The following ZNF684 variants were observed in gnomAD, a reference collection of about 807,000 sequenced individuals.
The protein encoded by ZNF684 is hypothetical protein MGC27466.
A neutral mutation model predicts 12.8 loss-of-function variants in ZNF684; 13 were observed. The observed-to-expected ratio is 1.02, with a 90% confidence interval of 0.66 to 1.62. The LOEUF (loss-of-function observed/expected upper bound fraction) is 1.62. Ranked by LOEUF, ZNF684 falls within the 40% of genes most tolerant of loss-of-function variation. The probability of loss-of-function intolerance (pLI) is 0.00; values close to 1 mark genes in which losing one functional copy is unlikely to be tolerated. For synonymous variants in ZNF684, 118 were observed against 151.8 expected, an observed-to-expected ratio of 0.78 and a Z score of 1.64; for missense variants, 384 against 446.9, an observed-to-expected ratio of 0.86 and a Z score of 1.27.
At chr1:40,538,853 C>T (rs923265301) in intron 2 of ZNF684, among the ~76,000 whole-genome samples, 2 of 151,202 alleles carry the variant, frequency 1.3e-5, no homozygotes, top group Admixed American at 1.3e-4. Flanking sequence ...AACAAACACT[C>T]GGAGGAACTG....
rs1646056345 is a variant in ZNF684 at position 40,547,536 on chromosome 1, A to G, written c.*76A>G. 2 of 1,300,906 alleles carry G rather than the reference A, an allele frequency of 1.5e-6. No homozygotes were observed. Among genetic ancestry groups the G allele is most frequent in the East Asian group, 2.5e-5 (1 of 39,266 alleles). 80.6% of individuals were successfully genotyped at this position (1,300,906 alleles called of 1,614,324 possible). ...ATTAAATACTAAAGAATTCATGGTG[A>G]GAAGTCTACAATTTAAATGAATTTG... On this transcript the variant is annotated 3_prime_UTR_variant, in exon 5 of 5. Coordinates refer to ENST00000372699, the MANE Select transcript of ZNF684 (RefSeq NM_152373.4).
chr1:40,542,578 C>T (rs1384999067), intron 4 of ZNF684, among the ~76,000 whole-genome samples: 2 of 152,186 alleles, frequency 1.3e-5, no homozygotes, highest in African/African-American at 4.8e-5. Flanking sequence ...GAAGCCTCAT[C>T]ACTCTGAAAA....
intron 2 of ZNF684, among the ~76,000 whole-genome samples, chr1:40,533,771 T>G (rs1463564202): frequency 2.6e-5 from 4 of 151,848 alleles, no homozygotes; most frequent in Admixed American, 1.3e-4. Flanking sequence ...AATTTTAAGG[T>G]CATCAAAATA....
At chr1:40,545,919 T>C (rs996569294) in intron 4 of ZNF684, among the ~76,000 whole-genome samples, 2 of 131,226 alleles carry the variant, frequency 1.5e-5, no homozygotes, top group Middle Eastern at 3.6e-3. Context: ...CCTTTTCTTT[T>C]TTTTTTTTTT....
At chr1:40,532,010 A>C (rs1645960588) in intron 1 of ZNF684, among the ~76,000 whole-genome samples, 1 of 152,136 alleles carries the variant, frequency 6.6e-6, no homozygotes, top group South Asian at 2.1e-4. Flanking sequence ...CTCAATTTGC[A>C]TTCCTGCTCT....
chr1:40,544,920 G>A (rs59249510), intron 4 of ZNF684: 9,661 of 152,224 alleles, frequency 0.063, 463 homozygotes, highest in African/African-American at 0.12. Context: ...AAATGAAGGT[G>A]GACAACGAAC....
intron 1 of ZNF684, among the ~76,000 whole-genome samples, chr1:40,532,011 T>C (rs1030121144): frequency 6.6e-6 from 1 of 152,132 alleles, no homozygotes; most frequent in Non-Finnish European, 1.5e-5. Context: ...TCAATTTGCA[T>C]TCCTGCTCTT....
chr1:40,538,668 G>A (rs1022691639), intron 2 of ZNF684, among the ~76,000 whole-genome samples: 1 of 151,946 alleles, frequency 6.6e-6, no homozygotes, highest in Non-Finnish European at 1.5e-5. Context: ...GAGCAGCCTG[G>A]CCAATGTGGT....
At chr1:40,541,936 C>T (rs866249791) in intron 4 of ZNF684, among the ~76,000 whole-genome samples, 1 of 152,324 alleles carries the variant, frequency 6.6e-6, no homozygotes. Flanking sequence ...TCTCCTGTCT[C>T]CTCAGGCTTC....
intron 2 of ZNF684, among the ~76,000 whole-genome samples, chr1:40,533,823 CTT>C (rs574077502): frequency 0.15 from 17,922 of 123,544 alleles, 1,006 homozygotes; most frequent in Middle Eastern, 0.21. Context: ...GTTAGGTATT[CTT>C]TTTTTTTTTT....
rs1389718199 is a variant in ZNF684 at position 40,547,462 on chromosome 1, A to G, written c.*2A>G. ...GTACATCAGAAAATTCATACATAAT[A>G]TTCACTTTATGAATATGAGAAGGCC... On this transcript the variant is annotated 3_prime_UTR_variant, in exon 5 of 5. Coordinates refer to ENST00000372699, the MANE Select transcript of ZNF684 (RefSeq NM_152373.4). The G allele has an allele frequency of 6.3e-7, 1 of 1,590,866 alleles. No homozygotes were observed. The highest frequency in any genetic ancestry group is 1.4e-5 in the African/African-American group (1 of 74,070).
intron 2 of ZNF684, among the ~76,000 whole-genome samples, chr1:40,535,267 A>G (rs59758251): frequency 2.6e-5 from 4 of 152,158 alleles, no homozygotes; most frequent in African/African-American, 9.6e-5. Context: ...CAGATCCCCA[A>G]ATCTGAACAT....
intron 2 of ZNF684, among the ~76,000 whole-genome samples, chr1:40,534,194 G>T (rs1008375466): frequency 2.0e-5 from 3 of 149,884 alleles, no homozygotes; most frequent in Non-Finnish European, 3.0e-5. Context: ...ACTTTTCAAT[G>T]AGTCCTATTT....
At chr1:40,536,388 C>T (rs1344836994) in intron 2 of ZNF684, among the ~76,000 whole-genome samples, 17 of 138,494 alleles carry the variant, frequency 1.2e-4, no homozygotes, top group African/African-American at 1.4e-4. Context: ...AGCGAGACTC[C>T]GTCTCACAAA....
rs748166864 is a variant in ZNF684, at chr1:40,546,574, C to T, written c.251C>T (p.Pro84Leu). 6.5e-7 allele frequency: 1 copy of T among 1,549,874 alleles called. No homozygotes were observed. Among genetic ancestry groups the T allele is most frequent in the Non-Finnish European group, 8.7e-7 (1 of 1,153,370 alleles). Residue 84 changes from proline (P) to leucine (L), a missense_variant, in exon 5 of 5, where the codon CCA becomes CTA. Physicochemically the swap from Pro to Leu is moderately conservative, Grantham distance 98 (BLOSUM62 -3). Transcript: ENST00000372699. Reference sequence around the variant, plus strand: ...TACTCCTTTTTAGAATCTGACTACCCACTTGTTGATGAACCAGGGAAGCAT... The same window carrying T: ...TACTCCTTTTTAGAATCTGACTACCTACTTGTTGATGAACCAGGGAAGCAT... ...PHESSPESDY[P>L]LVDEPGKHRE...
At position 40,547,027 on chromosome 1, in the gene ZNF684, G is replaced by A; in HGVS notation, c.704G>A (p.Arg235Lys). ...AAAGCCCAACTCGTGGTCCACCAGA[G>A]ACTTCACACTGGAGAGAAGCCTTAT... ...MHKAQLVVHQ[R>K]LHTGEKPYEC... The change falls in exon 5 of 5, where the codon AGA becomes AAA. Residue 235 changes from arginine (R) to lysine (K), a missense_variant. Arg to Lys is a conservative substitution (Grantham distance 26). Coordinates refer to ENST00000372699, the MANE Select transcript of ZNF684 (RefSeq NM_152373.4). The A allele has an allele frequency of 6.2e-7, 1 of 1,614,160 alleles. No individual in the cohort carries two copies. Among genetic ancestry groups the A allele is most frequent in the Non-Finnish European group, 8.5e-7 (1 of 1,180,034 alleles).
chr1:40,541,573 T>C (rs1570111400), intron 3 of ZNF684, 42 bp from the exon 4 acceptor site: 2 of 1,541,878 alleles, frequency 1.3e-6, no homozygotes, highest in East Asian at 4.5e-5. Context: ...GTTGTTTGCC[T>C]AGCACTTTGG....
chr1:40,543,738 G>T (rs532896187), intron 4 of ZNF684, among the ~76,000 whole-genome samples: 1 of 152,264 alleles, frequency 6.6e-6, no homozygotes, highest in South Asian at 2.1e-4. Context: ...TTACAGGCGT[G>T]AGCCACCTCG....
In ZNF684 at chr1:40,547,148, A is replaced by G; in HGVS notation, c.825A>G (p.Glu275=). The G allele has an allele frequency of 6.2e-7, 1 of 1,614,264 alleles. No homozygotes were observed. ...HTLEKSFECK[E]CGKTFRYSSS... ...TTGAGAAGTCATTTGAATGTAAGGA[A>G]TGTGGGAAAACCTTCAGGTATAGTT... The change falls in exon 5 of 5, where the codon GAA becomes GAG. Residue 275 remains glutamate, a synonymous_variant. Transcript: ENST00000372699.
Sources: allele counts gnomAD v4.1 joint callset (sites outside exome capture counted in the v4.1 genomes callset), GRCh38; gene constraint gnomAD v4.1.1; transcripts MANE v1.5; gene names NCBI Gene and HGNC (gene_info 2026-07-23, HGNC 2026-07-21).